Variants in USP34 observed in about 807,000 individuals in gnomAD.
USP34 encodes the protein ubiquitin carboxyl-terminal hydrolase 34.
In USP34, 70 loss-of-function variants were observed where a neutral mutation model predicts 460.3. The ratio of observed to expected loss-of-function variants is 0.15; its 90% confidence interval spans 0.13 to 0.19. The LOEUF (loss-of-function observed/expected upper bound fraction) is 0.19, where lower values mean the gene tolerates loss of function less well. Among genes scored for constraint, USP34 ranks in the 10% least tolerant of loss-of-function variants. The pLI is 1.00. For synonymous variants in USP34, 1,647 were observed against 1,405.3 expected, an observed-to-expected ratio of 1.17 and a Z score of -3.85; for missense variants, 3,985 against 4,236.2, an observed-to-expected ratio of 0.94 and a Z score of 1.65.
At chr2:61,441,025 G>A (rs957544910) in intron 1 of USP34, among the ~76,000 whole-genome samples, 2 of 151,734 alleles carry the variant, frequency 1.3e-5, no homozygotes, top group African/African-American at 2.4e-5. Context: ...CTACTCGGGA[G>A]GCTGAGGCAG....
intron 1 of USP34, among the ~76,000 whole-genome samples, chr2:61,436,365 A>G (rs1032260011): frequency 2.0e-5 from 3 of 152,212 alleles, no homozygotes; most frequent in Non-Finnish European, 4.4e-5. Context: ...GGACGGGAAA[A>G]GACATTCCAT....
Position 61,394,878 on chromosome 2 carries a change from T to A in USP34, c.728A>T (p.His243Leu). Residue 243 changes from histidine to leucine, a missense_variant, in exon 5 of 80, where the codon CAT becomes CTT. This residue lies in a region of USP34 where 331 missense variants were observed against 293.7 expected (regional missense o/e 1.13). Transcript: ENST00000398571. The part of the protein sequence containing the change: ...TPETLPFLIA[H>L]AFITVVSNIR... ...ATTAGACACAACTGTAATAAACGCA[T>A]GTGCTATAAGAAATGGCAAAGTTTC... 6.3e-7 allele frequency: 1 copy of A among 1,592,664 alleles called. No homozygotes were observed. The highest frequency in any genetic ancestry group is 8.5e-7 in the Non-Finnish European group (1 of 1,173,182).
intron 53 of USP34, among the ~76,000 whole-genome samples, chr2:61,239,300 TCA>T (rs60152908): frequency 0.14 from 18,219 of 132,420 alleles, 1,334 homozygotes; most frequent in Middle Eastern, 0.19. Flanking sequence ...GAGGGCCCTG[TCA>T]CACACACACA....
intron 62 of USP34, among the ~76,000 whole-genome samples, chr2:61,226,364 C>T (rs1687725977): frequency 6.6e-6 from 1 of 152,132 alleles, no homozygotes; most frequent in Admixed American, 6.5e-5. Context: ...CCACTTTTGG[C>T]ATTACAAATG....
rs757131591 is a variant in USP34 at position 61,192,980 on chromosome 2, C to T, written c.9509G>A (p.Ser3170Asn). The change falls in exon 76 of 80, where the codon AGT becomes AAT. Residue 3170 changes from serine (S) to asparagine (N), a missense_variant and splice_region_variant. Coordinates refer to ENST00000398571, the MANE Select transcript of USP34 (RefSeq NM_014709.4). The stretch of plus-strand genomic sequence containing the variant: ...CAAACCTTCATAGGCAACTAGGACA[C>T]CTAATATTTGAAAAGAAATCAGAAT... ...EKFTETLVKL[S>N]VLVAYEGLPL... 4 of 1,612,348 alleles carry T rather than the reference C, an allele frequency of 2.5e-6. No individual in the cohort carries two copies. The highest frequency in any genetic ancestry group is 3.4e-6 in the Non-Finnish European group (4 of 1,179,004).
At chr2:61,332,043 C>T (rs1691283225) in intron 19 of USP34, among the ~76,000 whole-genome samples, 1 of 151,998 alleles carries the variant, frequency 6.6e-6, no homozygotes. Flanking sequence ...ACAGAAGTTA[C>T]TTTCACCTTG....
At chr2:61,244,335 G>A (rs1025215189) in intron 51 of USP34, among the ~76,000 whole-genome samples, 6 of 152,246 alleles carry the variant, frequency 3.9e-5, no homozygotes, top group Admixed American at 3.9e-4. Context: ...TCTATTGTTG[G>A]CTAGGTGCCA....
In USP34 at chr2:61,331,298, C is replaced by G. The variant is rs756226382; in HGVS notation, c.2908G>C (p.Glu970Gln). 28 of 1,612,202 alleles carry G rather than the reference C, an allele frequency of 1.7e-5. No homozygotes were observed. The South Asian group carries it at 3.1e-4, about 18-fold the overall frequency. ...NLVYYIQTVR[E>Q]GRQKHALYSH... ...TACAGTGCATGTTTTTGTCTTCCTTCTCTCACAGTTTGAATGTAGTATACC... is the reference window on the plus strand; with the variant it reads ...TACAGTGCATGTTTTTGTCTTCCTTGTCTCACAGTTTGAATGTAGTATACC... The change falls in exon 20 of 80, where the codon GAA (glutamate) becomes CAA (glutamine). Residue 970 changes from glutamate (E) to glutamine (Q), a missense_variant. Around this residue, in one of 14 missense-constraint regions of USP34, gnomAD observed 1,114 missense variants for 1,122.5 expected, o/e 0.99. Transcript: ENST00000398571.
At chr2:61,351,295 T>C (rs1022315120) in intron 10 of USP34, among the ~76,000 whole-genome samples, 1 of 152,228 alleles carries the variant, frequency 6.6e-6, no homozygotes, top group East Asian at 1.9e-4. Flanking sequence ...ATAAAGTATT[T>C]ATATAATGCT....
At chr2:61,322,977 A>G (rs1051735567) in intron 21 of USP34, among the ~76,000 whole-genome samples, 2 of 152,322 alleles carry the variant, frequency 1.3e-5, no homozygotes, top group Non-Finnish European at 2.9e-5. Flanking sequence ...TTATTTTTTA[A>G]AAGACTATAG....
rs769802955 is a variant in USP34 at position 61,470,706 on chromosome 2, C to G, written c.-14G>C. On this transcript the variant is annotated 5_prime_UTR_variant, in exon 1 of 80. Coordinates refer to ENST00000398571, the MANE Select transcript of USP34 (RefSeq NM_014709.4). The stretch of plus-strand genomic sequence containing the variant: ...GTTCTCGCACATCGTTCGGCCGCCG[C>G]CCCCCCCCTCCCCCGCTTCGGATCA... The G allele has an allele frequency of 2.7e-5, 41 of 1,497,268 alleles. No individual in the cohort carries two copies. Among genetic ancestry groups the G allele is most frequent in the Non-Finnish European group, 3.6e-5 (40 of 1,097,626 alleles). The allele number at this position is 1,497,268 out of a possible 1,614,324, so 92.7% of individuals were successfully genotyped here. A position where few individuals can be genotyped will look rare whatever the true frequency, so the allele number is the denominator to read the frequency against.
intron 75 of USP34, among the ~76,000 whole-genome samples, chr2:61,202,228 T>C (rs1686996530): frequency 6.6e-6 from 1 of 152,144 alleles, no homozygotes; most frequent in Non-Finnish European, 1.5e-5. Flanking sequence ...CAAAACCTTT[T>C]CCATAGGAAG....
chr2:61,451,622 T>G (rs1170258005), intron 1 of USP34, among the ~76,000 whole-genome samples: 1 of 150,398 alleles, frequency 6.6e-6, no homozygotes, highest in Admixed American at 6.7e-5. Flanking sequence ...ACGGAGGTTG[T>G]GGTGAGCCAA....
chr2:61,314,263 T>C (rs888293935), intron 25 of USP34, among the ~76,000 whole-genome samples: 4 of 152,070 alleles, frequency 2.6e-5, no homozygotes, highest in Admixed American at 2.6e-4. Context: ...CTTTTTTTAG[T>C]AGTGGTGTTC....
intron 2 of USP34, among the ~76,000 whole-genome samples, chr2:61,411,050 A>G (rs1467904173): frequency 6.6e-6 from 1 of 152,172 alleles, no homozygotes; most frequent in African/African-American, 2.4e-5. Flanking sequence ...TCTATACATA[A>G]TGAACAAGAT....
intron 1 of USP34, among the ~76,000 whole-genome samples, chr2:61,439,144 G>A (rs1694896898): frequency 6.6e-6 from 1 of 152,180 alleles, no homozygotes; most frequent in South Asian, 2.1e-4. Context: ...GGGCATGGTG[G>A]CTCACGCCTG....
Position 61,332,915 on chromosome 2 carries a change from C to G in USP34, c.2834+967G>C, listed in dbSNP as rs1192665658. ...CTCAGAAGAATTAACTTCATCTAAT[C>G]TGGAATTATAGTGCAGACTTCCAAG... On this transcript the variant is annotated intron_variant, in intron 19 of 79. Transcript: ENST00000398571. Among the ~76,000 whole-genome samples the G allele has an allele frequency of 2.6e-5, 4 of 151,960 alleles. No individual in the cohort carries two copies. The East Asian group carries it at 5.8e-4, about 22-fold the overall frequency.
chr2:61,378,811 A>C (rs1016730346), intron 7 of USP34, among the ~76,000 whole-genome samples: 3 of 151,072 alleles, frequency 2.0e-5, no homozygotes, highest in African/African-American at 7.3e-5. Flanking sequence ...AGGCTGAGGC[A>C]CGAAAATCAC....
intron 1 of USP34, among the ~76,000 whole-genome samples, chr2:61,426,741 C>T (rs1694522789): frequency 6.6e-6 from 1 of 152,188 alleles, no homozygotes; most frequent in Admixed American, 6.5e-5. Flanking sequence ...GCAGTTACAG[C>T]AGGCCTTGGG....
Sources: allele counts gnomAD v4.1 joint callset (sites outside exome capture counted in the v4.1 genomes callset), GRCh38; gene constraint gnomAD v4.1.1; regional missense constraint gnomAD v4.1.1; transcripts MANE v1.5; gene names NCBI Gene and HGNC (gene_info 2026-07-23, HGNC 2026-07-21).